Variants in IQCM observed in about 807,000 individuals in gnomAD.
IQCM encodes the protein IQ domain-containing protein M.
IQCM carries 45 observed loss-of-function variants against 57.6 expected under a neutral mutation model. The ratio of observed to expected loss-of-function variants is 0.78; its 90% CI spans 0.62 to 1.00. The LOEUF (loss-of-function observed/expected upper bound fraction) is 1.00. IQCM is among the 50% of genes least tolerant of loss of function. The pLI, the probability that IQCM is intolerant of heterozygous loss-of-function variation, is 0.00. For missense variants in IQCM, 468 were observed against 511.6 expected (o/e 0.91, Z 0.82); for synonymous variants, 148 against 158.9 (o/e 0.93, Z 0.51).
intron 12 of IQCM, among the ~76,000 whole-genome samples, chr4:149,466,439 T>G (rs568548812): frequency 1.2e-4 from 19 of 152,320 alleles, no homozygotes; most frequent in African/African-American, 4.3e-4. Context: ...AATTGTATAC[T>G]CAAATCTGTG....
At chr4:149,493,977 T>C (rs902975498) in intron 12 of IQCM, among the ~76,000 whole-genome samples, 9 of 151,830 alleles carry the variant, frequency 5.9e-5, no homozygotes, top group African/African-American at 2.2e-4. Context: ...CCATCTCCTT[T>C]GTGGTACAAA....
chr4:149,741,920 AC>A (rs1355800272), intron 3 of IQCM, among the ~76,000 whole-genome samples: 2 of 152,166 alleles, frequency 1.3e-5, no homozygotes, highest in Non-Finnish European at 2.9e-5. Context: ...CGCACATTGC[AC>A]ACCTTTATAT....
At chr4:149,546,947 G>A (rs550409192) in intron 12 of IQCM, among the ~76,000 whole-genome samples, 1 of 152,242 alleles carries the variant, frequency 6.6e-6, no homozygotes, top group South Asian at 2.1e-4. Context: ...TGTTTTTATG[G>A]TTTTAGGTCT....
intron 2 of IQCM, among the ~76,000 whole-genome samples, chr4:149,777,277 T>C (rs1771178052): frequency 6.6e-6 from 1 of 152,154 alleles, no homozygotes; most frequent in Non-Finnish European, 1.5e-5. Flanking sequence ...TCTTCAAGAA[T>C]GTATAAATAT....
chr4:149,807,650 T>C (rs890032377), intron 2 of IQCM, among the ~76,000 whole-genome samples: 7 of 151,834 alleles, frequency 4.6e-5, no homozygotes, highest in East Asian at 1.9e-4. Context: ...AGACAACCCA[T>C]AGAATGGGAG....
Position 149,388,041 on chromosome 4 carries a change from T to C in IQCM, c.1391-35975A>G, listed in dbSNP as rs573771372. Among the ~76,000 whole-genome samples, 26 of 152,208 alleles carry C rather than the reference T, an allele frequency of 1.7e-4. No homozygotes were observed. The South Asian group carries it at 5.2e-3, about 30-fold the overall frequency. On this transcript the variant is annotated intron_variant, in intron 13 of 13. Transcript: ENST00000636793. ...CTCCATCATTTTGATTGCTGAACAA[T>C]ATTCCATTATACAGAAATAGCATAT...
intron 2 of IQCM, among the ~76,000 whole-genome samples, chr4:149,805,583 A>T (rs189004794): frequency 2.1e-4 from 32 of 152,178 alleles, no homozygotes; most frequent in Admixed American, 1.7e-3. Flanking sequence ...CATTTAGATC[A>T]GATAAGGCTT....
At chr4:149,706,913 A>G (rs1764203652) in intron 5 of IQCM, among the ~76,000 whole-genome samples, 2 of 151,972 alleles carry the variant, frequency 1.3e-5, no homozygotes, top group Admixed American at 6.6e-5. Flanking sequence ...CAGTTCTAAG[A>G]TAACAGGCAA....
intron 9 of IQCM, among the ~76,000 whole-genome samples, chr4:149,574,112 A>G (rs1323471384): frequency 2.0e-5 from 3 of 151,994 alleles, no homozygotes. Flanking sequence ...CATTCTTTAT[A>G]TAAGAATGAG....
intron 3 of IQCM, among the ~76,000 whole-genome samples, chr4:149,740,680 C>A (rs1767375748): frequency 4.8e-5 from 2 of 42,034 alleles, no homozygotes; most frequent in African/African-American, 2.7e-4. Flanking sequence ...TTCCTTCTTT[C>A]AATCAGAGGC....
intron 13 of IQCM, among the ~76,000 whole-genome samples, chr4:149,381,442 C>A (rs187298885): frequency 3.3e-5 from 5 of 152,186 alleles, no homozygotes; most frequent in Admixed American, 3.3e-4. Context: ...TCTAACCTCA[C>A]CTCCAACTAT....
At chr4:149,559,791 A>G (rs1317457950) in intron 10 of IQCM, among the ~76,000 whole-genome samples, 3 of 152,196 alleles carry the variant, frequency 2.0e-5, no homozygotes, top group Non-Finnish European at 4.4e-5. Flanking sequence ...GGAGTCCCCA[A>G]CCAACTGGTC....
chr4:149,600,754 T>C (rs1437610673), intron 8 of IQCM, among the ~76,000 whole-genome samples: 1 of 152,184 alleles, frequency 6.6e-6, no homozygotes. Flanking sequence ...AATGTGCTTA[T>C]AAATCACCAC....
In IQCM at chr4:149,733,410, T is replaced by G; in HGVS notation, c.219A>C (p.Thr73=). ...CCCGATGTTCTTGCACCACATCACG[T>G]GTTACCTTTTTGTCAATCTCCAAAG... ...YIPLEIDKKV[T]RDVVQEHRAA... is the part of the protein sequence containing the mutation. The change falls in exon 5 of 14, where the codon ACA becomes ACC. Residue 73 remains threonine, a synonymous_variant. Transcript: ENST00000636793. 8.1e-7 allele frequency: 1 copy of G among 1,231,860 alleles called. No homozygotes were observed. Among genetic ancestry groups the G allele is most frequent in the Non-Finnish European group, 1.0e-6 (1 of 987,760 alleles). 76.3% of individuals were successfully genotyped at this position (1,231,860 alleles called of 1,614,324 possible).
chr4:149,405,667 A>C (rs7677092), intron 13 of IQCM, among the ~76,000 whole-genome samples: 2,828 of 151,936 alleles, frequency 0.019, 102 homozygotes, highest in African/African-American at 0.065. Context: ...TAATGTTGAA[A>C]TATGCTTCTG....
At chr4:149,780,531 TTA>T (rs371081838) in intron 2 of IQCM, among the ~76,000 whole-genome samples, 11 of 138,128 alleles carry the variant, frequency 8.0e-5, no homozygotes, top group Non-Finnish European at 8.2e-5. Context: ...AATATGTAAG[TTA>T]TATATATATA....
intron 13 of IQCM, among the ~76,000 whole-genome samples, chr4:149,408,837 A>G (rs563977966): frequency 6.6e-6 from 1 of 152,318 alleles, no homozygotes; most frequent in African/African-American, 2.4e-5. Flanking sequence ...GTTCACCAGA[A>G]GTCTAGCAGC....
At chr4:149,530,940 T>A (rs1746687157) in intron 12 of IQCM, among the ~76,000 whole-genome samples, 1 of 152,042 alleles carries the variant, frequency 6.6e-6, no homozygotes, top group Non-Finnish European at 1.5e-5. Context: ...ATGTTCTATA[T>A]GCACAATTAT....
At chr4:149,737,261 T>C (rs1273044024) in intron 3 of IQCM, among the ~76,000 whole-genome samples, 1 of 152,198 alleles carries the variant, frequency 6.6e-6, no homozygotes, top group Non-Finnish European at 1.5e-5. Context: ...GAATTTGGAT[T>C]ATACAGGCAT....
Sources: gnomAD v4.1 joint callset for allele counts (sites outside exome capture counted in the v4.1 genomes callset) on GRCh38, gnomAD v4.1.1 for gene constraint, MANE v1.5 for transcripts, NCBI Gene and HGNC (gene_info 2026-07-23, HGNC 2026-07-21) for gene names.